The following SNX29 variants were observed in gnomAD, a reference collection of about 807,000 sequenced individuals.
The protein encoded by SNX29 is sorting nexin 29.
A neutral mutation model predicts 102.1 loss-of-function variants in SNX29; 78 were observed. The ratio of observed to expected loss-of-function variants is 0.76; its 90% CI spans 0.64 to 0.92. The LOEUF is 0.92. SNX29 is among the 40% of genes least tolerant of loss of function. SNX29 has a pLI of 0.00. For synonymous variants in SNX29, 580 were observed against 414.5 expected, an observed-to-expected ratio of 1.40 and a Z score of -4.85; for missense variants, 1,280 against 1,061.7, an observed-to-expected ratio of 1.21 and a Z score of -2.86.
At position 12,524,799 on chromosome 16, in the gene SNX29, G is replaced by C. The variant is rs1204437481; in HGVS notation, c.2276G>C (p.Ser759Thr). The change falls in exon 20 of 21, where the codon AGC becomes ACC. Residue 759 changes from serine to threonine, a missense_variant. Transcript: ENST00000566228. Reference protein sequence around the residue: ...VIQMVPEFAASPKKETLIQLM... With the variant: ...VIQMVPEFAATPKKETLIQLM... ...CAGATGGTCCCCGAGTTCGCTGCCA[G>C]CCCCAAGAAGGAGACCCTCATCCAG... The C allele has an allele frequency of 6.2e-7, 1 of 1,613,572 alleles. No homozygotes were observed. The highest frequency in any genetic ancestry group is 8.5e-7 in the Non-Finnish European group (1 of 1,179,804).
At chr16:12,296,639 A>G (rs916390972) in intron 15 of SNX29, among the ~76,000 whole-genome samples, 2 of 149,860 alleles carry the variant, frequency 1.3e-5, no homozygotes, top group African/African-American at 2.5e-5. Context: ...TGCAGGTCAC[A>G]TTGTGCCAAT....
intron 20 of SNX29, among the ~76,000 whole-genome samples, chr16:12,550,546 A>C (rs952230222): frequency 9.7e-5 from 14 of 145,064 alleles, no homozygotes; most frequent in Admixed American, 4.1e-4. Context: ...AAAAAAAAAA[A>C]ACCAAACACC....
intron 14 of SNX29, among the ~76,000 whole-genome samples, chr16:12,273,698 A>G (rs1371795765): frequency 6.6e-6 from 1 of 151,828 alleles, no homozygotes; most frequent in East Asian, 1.9e-4. Flanking sequence ...AACCATCGCC[A>G]CTCTCTAATT....
intron 17 of SNX29, among the ~76,000 whole-genome samples, chr16:12,400,205 C>T (rs552385620): frequency 5.3e-5 from 8 of 152,172 alleles, no homozygotes; most frequent in African/African-American, 1.2e-4. Context: ...GTGGAGCTTA[C>T]GAAGAAGGCC....
intron 20 of SNX29, among the ~76,000 whole-genome samples, chr16:12,555,896 T>C (rs1484897743): frequency 6.6e-6 from 1 of 152,016 alleles, no homozygotes; most frequent in East Asian, 1.9e-4. Context: ...CCTCCTGTTC[T>C]TGGTCTCAAA....
chr16:11,982,042 TAA>T (rs548031551), intron 1 of SNX29, among the ~76,000 whole-genome samples: 15 of 138,848 alleles, frequency 1.1e-4, no homozygotes, highest in Non-Finnish European at 1.1e-4. Context: ...TCATCTCAAT[TAA>T]AAAAAAAAAA....
intron 10 of SNX29, among the ~76,000 whole-genome samples, chr16:12,077,386 G>GGTGTGTGTGTGT (rs60621681): frequency 8.4e-5 from 12 of 142,884 alleles, no homozygotes; most frequent in South Asian, 4.5e-4. Context: ...TCCTAGTCAT[G>GGTGTGTGTGTGT]GTGTGTGTGT....
intron 18 of SNX29, among the ~76,000 whole-genome samples, chr16:12,428,684 C>T (rs576178830): frequency 6.6e-6 from 1 of 152,280 alleles, no homozygotes; most frequent in South Asian, 2.1e-4. Flanking sequence ...TAGTTAGTCC[C>T]ACCACACAGA....
At chr16:12,018,368 G>A (rs914689117) in intron 3 of SNX29, among the ~76,000 whole-genome samples, 9 of 151,738 alleles carry the variant, frequency 5.9e-5, no homozygotes, top group Admixed American at 2.6e-4. Context: ...ACGAGGTCAG[G>A]AGTTTGAGAC....
intron 13 of SNX29, among the ~76,000 whole-genome samples, chr16:12,144,159 T>G (rs1307319756): frequency 6.6e-6 from 1 of 152,146 alleles, no homozygotes; most frequent in Non-Finnish European, 1.5e-5. Flanking sequence ...TAAGAGAGGA[T>G]GCCAGCAATG....
At chr16:12,527,828 T>TC (rs201669952) in intron 20 of SNX29, among the ~76,000 whole-genome samples, 29 of 142,960 alleles carry the variant, frequency 2.0e-4, no homozygotes, top group African/African-American at 6.9e-4. Flanking sequence ...TTCTTCTTCT[T>TC]TTTTTTTTTT....
chr16:12,274,885 T>A (rs1374279775), intron 14 of SNX29, among the ~76,000 whole-genome samples: 1 of 152,190 alleles, frequency 6.6e-6, no homozygotes, highest in African/African-American at 2.4e-5. Flanking sequence ...GTTTTTCTTT[T>A]TCTCCTTTTT....
chr16:12,224,805 A>G (rs1322982003), intron 14 of SNX29, among the ~76,000 whole-genome samples: 2 of 152,244 alleles, frequency 1.3e-5, no homozygotes, highest in East Asian at 1.9e-4. Flanking sequence ...GTCCTTTTGC[A>G]TGTGTTTACA....
intron 18 of SNX29, among the ~76,000 whole-genome samples, chr16:12,456,677 A>G (rs1020803051): frequency 1.3e-5 from 2 of 151,928 alleles, no homozygotes; most frequent in Non-Finnish European, 2.9e-5. Context: ...AGTACTTGAT[A>G]GTGTGTGCAC....
At chr16:12,563,892 C>T (rs773099439) in intron 20 of SNX29, among the ~76,000 whole-genome samples, 3 of 152,244 alleles carry the variant, frequency 2.0e-5, no homozygotes, top group Non-Finnish European at 4.4e-5. Context: ...TGGGCCTCTG[C>T]CGTCTCTGGA....
chr16:12,546,729 AAG>A (rs1223532664), intron 20 of SNX29: 39 of 148,432 alleles, frequency 2.6e-4, no homozygotes, highest in African/African-American at 9.2e-4. Flanking sequence ...CTAGAAAACT[AAG>A]AAGATAGGAG....
chr16:12,341,512 G>C (rs570563699), intron 15 of SNX29, among the ~76,000 whole-genome samples: 1 of 152,288 alleles, frequency 6.6e-6, no homozygotes, highest in East Asian at 1.9e-4. Context: ...CCTCAATCTC[G>C]GTCTTTAACA....
At position 11,979,688 on chromosome 16, in the gene SNX29, A is replaced by G. The variant is rs566290120; in HGVS notation, c.7+2875A>G. Among the ~76,000 whole-genome samples, 7 of 152,188 alleles carry G rather than the reference A, an allele frequency of 4.6e-5. No homozygotes were observed. The South Asian group carries it at 1.5e-3, about 32-fold the overall frequency. On this transcript the variant is annotated intron_variant, in intron 1 of 20. Transcript: ENST00000566228. Reference sequence around the variant, plus strand: ...AACCTTCGCCTCCTGGGTTCAAGCAATTCTTCTGCCTCAGGCTCCCAAGTA... The same window carrying G: ...AACCTTCGCCTCCTGGGTTCAAGCAGTTCTTCTGCCTCAGGCTCCCAAGTA...
intron 3 of SNX29, among the ~76,000 whole-genome samples, chr16:12,016,000 G>C (rs993266978): frequency 1.3e-5 from 2 of 151,870 alleles, no homozygotes; most frequent in Admixed American, 1.3e-4. Flanking sequence ...GAGTAGCTGG[G>C]ATTACAGGCG....
Sources: gnomAD v4.1 joint callset for allele counts (sites outside exome capture counted in the v4.1 genomes callset) on GRCh38, gnomAD v4.1.1 for gene constraint, MANE v1.5 for transcripts, NCBI Gene and HGNC (gene_info 2026-07-23, HGNC 2026-07-21) for gene names.